CDH11: variants seen among roughly 807,000 people sequenced by gnomAD.
The protein encoded by CDH11 is cadherin 11.
A neutral mutation model predicts 67.8 loss-of-function variants in CDH11; 11 were observed. That is an observed-to-expected ratio of 0.16 (90% confidence interval 0.10 to 0.27). The LOEUF is 0.27. Among genes scored for constraint, CDH11 ranks in the 10% least tolerant of loss-of-function variants. The probability of loss-of-function intolerance (pLI) is 1.00; values close to 1 mark genes in which losing one functional copy is unlikely to be tolerated. For missense variants in CDH11, 847 were observed against 1,031.2 expected (o/e 0.82, Z 2.45); for synonymous variants, 419 against 400.0 (o/e 1.05, Z -0.57).
intron 1 of CDH11, among the ~76,000 whole-genome samples, chr16:65,107,039 C>T (rs750427363): frequency 1.3e-4 from 20 of 151,902 alleles, no homozygotes; most frequent in Non-Finnish European, 2.2e-4. Context: ...ATTTATGGAA[C>T]TGGAAAGATG....
rs869111651 is a variant in CDH11 at position 64,945,320 on chromosome 16, GA to G, written c.*2282del. The G allele has an allele frequency of 7.4e-5, 23 of 310,310 alleles. 1 individual carries two copies. Among genetic ancestry groups the G allele is most frequent in the African/African-American group, 1.5e-4 (5 of 32,800 alleles). 19.2% of individuals were successfully genotyped at this position (310,310 alleles called of 1,614,324 possible). On this transcript the variant is annotated 3_prime_UTR_variant, in exon 13 of 13. Transcript: ENST00000268603. ...AAAAGGTAAAAAAAAAAAAAAAAAA[GA>G]AAAAGAAAAACAAGTATTCTTAACT...
chr16:65,061,817 T>C (rs983942053), intron 1 of CDH11, among the ~76,000 whole-genome samples: 1 of 152,218 alleles, frequency 6.6e-6, no homozygotes, highest in Non-Finnish European at 1.5e-5. Flanking sequence ...CTAAAATTTA[T>C]TGAGAATTTC....
chr16:64,959,962 T>C (rs1420121268), intron 11 of CDH11, among the ~76,000 whole-genome samples: 1 of 152,224 alleles, frequency 6.6e-6, no homozygotes, highest in Non-Finnish European at 1.5e-5. Context: ...TTTTGTTGTT[T>C]ATTTATGTCT....
At chr16:64,990,470 A>G (rs1354472932) in intron 6 of CDH11, among the ~76,000 whole-genome samples, 2 of 151,936 alleles carry the variant, frequency 1.3e-5, no homozygotes, top group Non-Finnish European at 1.5e-5. Context: ...TCTAACTGAA[A>G]AAGACACTTT....
intron 2 of CDH11, among the ~76,000 whole-genome samples, chr16:65,047,324 C>T (rs1224545932): frequency 1.3e-5 from 2 of 151,656 alleles, no homozygotes; most frequent in East Asian, 3.9e-4. Context: ...TCTGTAGACT[C>T]TTTTTCACCT....
At chr16:65,020,641 T>C (rs2073405101) in intron 2 of CDH11, among the ~76,000 whole-genome samples, 1 of 152,202 alleles carries the variant, frequency 6.6e-6, no homozygotes, top group African/African-American at 2.4e-5. Flanking sequence ...CAATAATCTT[T>C]AAAACTGTCT....
intron 2 of CDH11, among the ~76,000 whole-genome samples, chr16:65,016,356 A>C (rs2073308507): frequency 1.3e-5 from 2 of 152,196 alleles, no homozygotes; most frequent in Non-Finnish European, 2.9e-5. Flanking sequence ...AAGAAAAGTA[A>C]TGGGATACAG....
intron 2 of CDH11, among the ~76,000 whole-genome samples, chr16:65,048,488 A>G (rs2142700901): frequency 6.6e-6 from 1 of 152,252 alleles, no homozygotes; most frequent in South Asian, 2.1e-4. Flanking sequence ...TCATGGAATC[A>G]ACCTCAGTGC....
chr16:65,113,287 G>GAAA (rs199622606), intron 1 of CDH11, among the ~76,000 whole-genome samples: 1 of 129,034 alleles, frequency 7.7e-6, no homozygotes. Flanking sequence ...TTCCATCTCA[G>GAAA]AAAAAAAAAA....
chr16:65,076,679 GC>G (rs1401602095), intron 1 of CDH11, among the ~76,000 whole-genome samples: 1 of 48,426 alleles, frequency 2.1e-5, no homozygotes, highest in Admixed American at 2.6e-4. Flanking sequence ...CCCTCCCCTA[GC>G]CCCCCACCCC....
intron 3 of CDH11, among the ~76,000 whole-genome samples, chr16:65,001,485 A>G (rs2072918461): frequency 6.6e-6 from 1 of 152,184 alleles, no homozygotes; most frequent in Admixed American, 6.5e-5. Context: ...AGTTAAGGGC[A>G]AGGACATACG....
At chr16:64,949,437 T>C (rs2071293147) in intron 12 of CDH11, among the ~76,000 whole-genome samples, 1 of 149,468 alleles carries the variant, frequency 6.7e-6, no homozygotes, top group South Asian at 2.1e-4. Flanking sequence ...TTTTTTTTTT[T>C]TTTTTTGAGA....
chr16:65,047,463 T>C (rs2073982193), intron 2 of CDH11, among the ~76,000 whole-genome samples: 1 of 152,010 alleles, frequency 6.6e-6, no homozygotes, highest in African/African-American at 2.4e-5. Context: ...GTGATTCTCC[T>C]GCCTCAGCCT....
intron 6 of CDH11, among the ~76,000 whole-genome samples, chr16:64,988,748 A>T (rs1331963381): frequency 6.6e-6 from 1 of 152,182 alleles, no homozygotes; most frequent in Non-Finnish European, 1.5e-5. Context: ...TATTGCGAAG[A>T]GCCCAGAAAA....
At chr16:65,120,678 G>T (rs1284500748) in intron 1 of CDH11, among the ~76,000 whole-genome samples, 2 of 152,192 alleles carry the variant, frequency 1.3e-5, no homozygotes, top group African/African-American at 4.8e-5. Flanking sequence ...ATAGCAGTGT[G>T]ATGGCCCATG....
intron 1 of CDH11, among the ~76,000 whole-genome samples, chr16:65,117,962 A>G (rs1042847820): frequency 6.6e-6 from 1 of 152,180 alleles, no homozygotes; most frequent in African/African-American, 2.4e-5. Context: ...GGTGGGAAGA[A>G]GATGCTGAAG....
At chr16:65,083,728 T>A (rs1567568751) in intron 1 of CDH11, among the ~76,000 whole-genome samples, 1 of 152,180 alleles carries the variant, frequency 6.6e-6, no homozygotes, top group Non-Finnish European at 1.5e-5. Context: ...ACATCAGGGG[T>A]GGCTGACATC....
At chr16:65,089,929 A>T (rs2074767424) in intron 1 of CDH11, among the ~76,000 whole-genome samples, 1 of 152,162 alleles carries the variant, frequency 6.6e-6, no homozygotes, top group African/African-American at 2.4e-5. Flanking sequence ...ATAATAATAT[A>T]TTATTTAAGT....
intron 1 of CDH11, among the ~76,000 whole-genome samples, chr16:65,105,313 G>A (rs944119120): frequency 8.5e-5 from 13 of 152,306 alleles, no homozygotes; most frequent in Admixed American, 7.8e-4. Context: ...GGGAGACTGG[G>A]AAATATTCCC....
Sources: gnomAD v4.1 joint callset for allele counts (sites outside exome capture counted in the v4.1 genomes callset) on GRCh38, gnomAD v4.1.1 for gene constraint, MANE v1.5 for transcripts, NCBI Gene and HGNC (gene_info 2026-07-23, HGNC 2026-07-21) for gene names.